The following HSD17B12 variants were observed in gnomAD, a reference collection of about 807,000 sequenced individuals.
HSD17B12 encodes the protein hydroxysteroid 17-beta dehydrogenase 12, also known as very-long-chain 3-oxoacyl-CoA reductase.
HSD17B12 carries 32 observed loss-of-function variants against 39.3 expected under a neutral mutation model. The observed-to-expected ratio is 0.81, with a 90% CI of 0.61 to 1.09. The LOEUF (loss-of-function observed/expected upper bound fraction) is 1.09, where lower values mean the gene tolerates loss of function less well. Ranked by LOEUF, HSD17B12 falls within the 50% of genes least tolerant of loss-of-function variation. The pLI is 0.00. For synonymous variants in HSD17B12, 150 were observed against 146.7 expected (o/e 1.02, Z -0.16); for missense variants, 342 against 382.9 (o/e 0.89, Z 0.89).
chr11:43,839,937 C>A, intron 8 of HSD17B12, 62 bp from the exon 9 acceptor site: 1 of 1,288,046 alleles, frequency 7.8e-7, no homozygotes, highest in Non-Finnish European at 1.1e-6. Context: ...GTTTCCATGG[C>A]TACAAATCAG....
upstream of HSD17B12, among the ~76,000 whole-genome samples, chr11:43,679,238 T>C (rs543936363): frequency 5.3e-5 from 8 of 152,284 alleles, no homozygotes; most frequent in East Asian, 1.5e-3. Context: ...TCTCTGTTTG[T>C]CTGTTATTGG....
At chr11:43,680,608 G>A, upstream of HSD17B12, 1 of 563,690 alleles carries the variant, frequency 1.8e-6, no homozygotes, top group South Asian at 2.0e-5. Flanking sequence ...GGGAGGGGCA[G>A]TGGAACTGGA....
At chr11:43,783,727 A>G (rs1391731161) in intron 3 of HSD17B12, among the ~76,000 whole-genome samples, 1 of 152,092 alleles carries the variant, frequency 6.6e-6, no homozygotes, top group African/African-American at 2.4e-5. Flanking sequence ...AGCGTCATCC[A>G]TGTCCCTGCA....
intron 1 of HSD17B12, among the ~76,000 whole-genome samples, chr11:43,719,772 A>C (rs1950159622): frequency 6.6e-6 from 1 of 152,020 alleles, no homozygotes; most frequent in African/African-American, 2.4e-5. Context: ...GAAATAGGTC[A>C]TATTTGTAGC....
At chr11:43,578,566 CG>C in the HSD17B12 span, among the ~76,000 whole-genome samples, 1 of 152,348 alleles carries the variant, frequency 6.6e-6, no homozygotes, top group South Asian at 2.1e-4. Flanking sequence ...CACAGCCTCT[CG>C]GCCCACCCCG....
intron 1 of HSD17B12, among the ~76,000 whole-genome samples, chr11:43,720,174 G>C (rs1289650571): frequency 1.3e-5 from 2 of 152,186 alleles, no homozygotes; most frequent in East Asian, 3.8e-4. Context: ...TCTTTCGCCA[G>C]TTGTAGAGAC....
Position 43,840,045 on chromosome 11 carries a change from G to A in HSD17B12, c.665G>A (p.Ser222Asn), listed in dbSNP as rs1468189058. Residue 222 changes from serine to asparagine, a missense_variant, in exon 9 of 11, where the codon AGC (serine) becomes AAC (asparagine). Physicochemically the swap from Ser to Asn is conservative, Grantham distance 46. Transcript: ENST00000278353. ...CAGTGCCTCCATGAGGAGTATAGGA[G>A]CAAGGGCGTCTTTGTGCAGGTGAGT... ...FSQCLHEEYR[S>N]KGVFVQSVLP... 1.9e-6 allele frequency: 3 copies of A among 1,612,602 alleles called. No individual in the cohort carries two copies. Among genetic ancestry groups the A allele is most frequent in the Non-Finnish European group, 2.5e-6 (3 of 1,179,046 alleles).
chr11:43,815,882 C>T (rs532425766), intron 5 of HSD17B12, among the ~76,000 whole-genome samples: 59 of 152,190 alleles, frequency 3.9e-4, no homozygotes, highest in African/African-American at 1.3e-3. Flanking sequence ...TATACAGCAA[C>T]GTGGTTGATT....
intron 3 of HSD17B12, among the ~76,000 whole-genome samples, chr11:43,786,265 A>C (rs568348933): frequency 6.6e-6 from 1 of 152,232 alleles, no homozygotes; most frequent in Non-Finnish European, 1.5e-5. Flanking sequence ...TGCTTCATGC[A>C]TACTTTCCAT....
chr11:43,748,316 T>C (rs541070423), intron 1 of HSD17B12, among the ~76,000 whole-genome samples: 2 of 152,208 alleles, frequency 1.3e-5, no homozygotes, highest in East Asian at 1.9e-4. Flanking sequence ...TGCAGCAACA[T>C]AGATGAAATT....
At chr11:43,747,745 C>T (rs7115970) in intron 1 of HSD17B12, among the ~76,000 whole-genome samples, 99,525 of 151,904 alleles carry the variant, frequency 0.66, 32,938 homozygotes, top group East Asian at 0.74. Context: ...AGATTATGTG[C>T]ATGACGGACT....
the HSD17B12 span, among the ~76,000 whole-genome samples, chr11:43,666,052 T>C: frequency 6.6e-6 from 1 of 152,200 alleles, no homozygotes; most frequent in Admixed American, 6.5e-5. Context: ...CACTTTTAAA[T>C]TAGCTTTCCA....
the HSD17B12 span, among the ~76,000 whole-genome samples, chr11:43,578,138 G>C: frequency 6.6e-6 from 1 of 152,214 alleles, no homozygotes. Flanking sequence ...GACTGTGGGA[G>C]AAATGAAGCA....
the HSD17B12 span, among the ~76,000 whole-genome samples, chr11:43,599,077 G>A: frequency 3.9e-5 from 6 of 152,116 alleles, no homozygotes; most frequent in Admixed American, 6.5e-5. Context: ...CTCTCCTTCC[G>A]TTTTATAATA....
At chr11:43,810,050 G>T (rs1274197122) in intron 4 of HSD17B12, among the ~76,000 whole-genome samples, 1 of 152,052 alleles carries the variant, frequency 6.6e-6, no homozygotes, top group East Asian at 1.9e-4. Context: ...CTATATCTCT[G>T]ATTAATCTGG....
intron 1 of HSD17B12, among the ~76,000 whole-genome samples, chr11:43,691,594 C>G (rs1949863496): frequency 6.6e-6 from 1 of 152,214 alleles, no homozygotes; most frequent in African/African-American, 2.4e-5. Context: ...TACACTCACT[C>G]TGGCGCAAGT....
chr11:43,679,757 A>C (rs1304160419), upstream of HSD17B12, among the ~76,000 whole-genome samples: 1 of 152,184 alleles, frequency 6.6e-6, no homozygotes, highest in Non-Finnish European at 1.5e-5. Flanking sequence ...ATCGTCTAAC[A>C]GTTATTAGAC....
chr11:43,771,462 C>CTTTTTTTTT (rs34783257), intron 3 of HSD17B12, among the ~76,000 whole-genome samples: 12 of 90,632 alleles, frequency 1.3e-4, no homozygotes, highest in East Asian at 3.4e-4. Context: ...GACTCATATT[C>CTTTTTTTTT]TTTTTTTTTT....
At chr11:43,581,702 A>T in the HSD17B12 span, among the ~76,000 whole-genome samples, 1 of 151,780 alleles carries the variant, frequency 6.6e-6, no homozygotes, top group Non-Finnish European at 1.5e-5. This position sits in a 1 kb window ranked among gnomAD's most constrained non-coding sequence, Gnocchi z 4.9. Context: ...TCACAGGGGG[A>T]ACTGGAGCAG....
Sources: allele counts gnomAD v4.1 joint callset (sites outside exome capture counted in the v4.1 genomes callset), GRCh38; gene constraint gnomAD v4.1.1; non-coding constraint Gnocchi (gnomAD v3.1); transcripts MANE v1.5; gene names NCBI Gene and HGNC (gene_info 2026-07-23, HGNC 2026-07-21).